Variants in PIGF observed in about 807,000 individuals in gnomAD.
PIGF encodes the protein phosphatidylinositol glycan anchor biosynthesis class F, also known as GPI ethanolamine phosphate transferase, stabilizing subunit.
PIGF carries 23 observed loss-of-function variants against 26.0 expected under a neutral mutation model. The ratio of observed to expected loss-of-function variants is 0.88; its 90% CI spans 0.64 to 1.25. The LOEUF (loss-of-function observed/expected upper bound fraction) is 1.25. Among genes scored for constraint, PIGF ranks in the 50% most tolerant of loss-of-function variants. PIGF has a pLI of 0.00. For missense variants in PIGF, 278 were observed against 249.9 expected, an observed-to-expected ratio of 1.11 and a Z score of -0.76; for synonymous variants, 93 against 92.6, an observed-to-expected ratio of 1.00 and a Z score of -0.03.
At chr2:46,606,491 A>G (rs1416947076) in intron 4 of PIGF, among the ~76,000 whole-genome samples, 1 of 152,188 alleles carries the variant, frequency 6.6e-6, no homozygotes. Context: ...GGTTAAATTT[A>G]TCCTAACCCT....
At chr2:46,610,211 A>G (rs1277334985) in intron 4 of PIGF, among the ~76,000 whole-genome samples, 1 of 152,198 alleles carries the variant, frequency 6.6e-6, no homozygotes, top group East Asian at 1.9e-4. Flanking sequence ...CCCATTTTGT[A>G]CAGCGTAGTG....
At position 46,604,021 on chromosome 2, in the gene PIGF, C is replaced by A. The variant is rs12988547; in HGVS notation, c.437+8207G>T. 1.8e-3 allele frequency among the ~76,000 whole-genome samples: 278 copies of A among 151,764 alleles called. 1 individual carries two copies. Among genetic ancestry groups the A allele is most frequent in the Non-Finnish European group, 3.0e-3 (205 of 67,714 alleles). ...CAAACAACTCTACAGGGAAAAAAAA[C>A]CCCTAATAATCCAATTTACAAATGG... On this transcript the variant is annotated intron_variant, in intron 4 of 5. Transcript: ENST00000281382.
In PIGF at chr2:46,588,882, G is replaced by A. The variant is rs1347230274; in HGVS notation, c.546+3593C>T. On this transcript the variant is annotated intron_variant, in intron 5 of 5. Coordinates refer to ENST00000281382, the MANE Select transcript of PIGF (RefSeq NM_002643.4). The surrounding 1 kb of genome is among the most constrained non-coding windows in gnomAD (Gnocchi z 4.1). The stretch of plus-strand genomic sequence containing the variant: ...ACACAGAACATATGCTATGCATACA[G>A]TAATAACAACAAATACTTATTGATT... Among the ~76,000 whole-genome samples the A allele has an allele frequency of 6.6e-6, 1 of 152,002 alleles. No individual in the cohort carries two copies. Among genetic ancestry groups the A allele is most frequent in the African/African-American group, 2.4e-5 (1 of 41,404 alleles).
intron 4 of PIGF, among the ~76,000 whole-genome samples, chr2:46,608,000 C>T (rs929920432): frequency 9.9e-5 from 15 of 152,158 alleles, no homozygotes; most frequent in African/African-American, 3.6e-4. Context: ...GCCCAGCCGG[C>T]AATTTCTTAA....
In PIGF at chr2:46,588,013, A is replaced by T; in HGVS notation, c.546+4462T>A. ...TCCCACCTGAGTAATGCTAAGCAAG[A>T]TGTGTACTCCTCCCCTCTCACACTT... On this transcript the variant is annotated intron_variant, in intron 5 of 5. Transcript: ENST00000281382. This position sits in a 1 kb window ranked among gnomAD's most constrained non-coding sequence, Gnocchi z 4.1. The T allele has an allele frequency of 7.2e-7, 1 of 1,394,930 alleles. No individual in the cohort carries two copies. The highest frequency in any genetic ancestry group is 9.5e-7 in the Non-Finnish European group (1 of 1,052,748). The allele number at this position is 1,394,930 out of a possible 1,614,324, so 86.4% of individuals were successfully genotyped here. A position where few individuals can be genotyped will look rare whatever the true frequency, so the allele number is the denominator to read the frequency against.
At chr2:46,596,212 C>CAA (rs544010392) in intron 4 of PIGF, among the ~76,000 whole-genome samples, 1,908 of 102,798 alleles carry the variant, frequency 0.019, 19 homozygotes, top group Non-Finnish European at 0.025. Flanking sequence ...GACCCCATCT[C>CAA]AAAAAAAAAA....
chr2:46,608,301 A>G (rs569952383), intron 4 of PIGF, among the ~76,000 whole-genome samples: 12 of 152,270 alleles, frequency 7.9e-5, no homozygotes, highest in African/African-American at 2.6e-4. Context: ...CATCTGTTCC[A>G]GTTTTATCAT....
chr2:46,595,585 CAT>C (rs1025858063), intron 4 of PIGF, among the ~76,000 whole-genome samples: 13 of 152,130 alleles, frequency 8.5e-5, no homozygotes, highest in Admixed American at 2.0e-4. Flanking sequence ...TCTGTGTGAG[CAT>C]ATGTTTTCAT....
At chr2:46,615,299 T>C (rs1253481905) in intron 1 of PIGF, 114 bp from the exon 2 acceptor site, 1 of 588,066 alleles carries the variant, frequency 1.7e-6, no homozygotes, top group Non-Finnish European at 3.1e-6. Flanking sequence ...GCAATGTATT[T>C]GTTTCAAAAC....
At chr2:46,616,654 C>G (rs1484519833) in intron 1 of PIGF, 2 of 154,974 alleles carry the variant, frequency 1.3e-5, no homozygotes, top group Non-Finnish European at 2.9e-5. Context: ...CGCACCTTCA[C>G]CGGCAGCCCC....
At chr2:46,603,769 G>C (rs1353416807) in intron 4 of PIGF, among the ~76,000 whole-genome samples, 1 of 151,974 alleles carries the variant, frequency 6.6e-6, no homozygotes, top group Non-Finnish European at 1.5e-5. Flanking sequence ...AGGAAACATT[G>C]GGGAAACTTT....
intron 4 of PIGF, among the ~76,000 whole-genome samples, chr2:46,608,436 G>A (rs1372908658): frequency 9.2e-5 from 14 of 152,158 alleles, no homozygotes; most frequent in Non-Finnish European, 1.9e-4. Context: ...CATTCATGAG[G>A]AATGGAATCA....
chr2:46,592,148 T>C (rs1360064726), intron 5 of PIGF, among the ~76,000 whole-genome samples: 2 of 152,168 alleles, frequency 1.3e-5, no homozygotes, highest in Non-Finnish European at 2.9e-5. Context: ...GCCCAAGCAT[T>C]AGAGGACAGC....
intron 4 of PIGF, among the ~76,000 whole-genome samples, chr2:46,605,734 T>C (rs1670201164): frequency 6.6e-6 from 1 of 152,134 alleles, no homozygotes; most frequent in Non-Finnish European, 1.5e-5. Context: ...TCTAATGATC[T>C]AGATTCCAAT....
At chr2:46,611,853 T>A (rs1431772330) in intron 4 of PIGF, among the ~76,000 whole-genome samples, 1 of 152,218 alleles carries the variant, frequency 6.6e-6, no homozygotes, top group Non-Finnish European at 1.5e-5. Context: ...ATAAAATGTA[T>A]GTAAGCAATT....
At chr2:46,585,962 G>A (rs1055170238) in intron 5 of PIGF, among the ~76,000 whole-genome samples, 3 of 152,146 alleles carry the variant, frequency 2.0e-5, no homozygotes, top group Non-Finnish European at 2.9e-5. Context: ...TTTTAGTAGA[G>A]ACAGGGTTTC....
chr2:46,591,495 AT>A, intron 5 of PIGF: 2 of 833,916 alleles, frequency 2.4e-6, no homozygotes, highest in Non-Finnish European at 2.9e-6. Flanking sequence ...AAGCACATTT[AT>A]TTTTTAATAC....
Position 46,588,906 on chromosome 2 carries a change from T to C in PIGF, c.546+3569A>G, listed in dbSNP as rs1310682845. ...AGTAATAACAACAAATACTTATTGATTAGCTATTTAGTTACAGCAGATAAA... is the reference window on the plus strand; with the variant it reads ...AGTAATAACAACAAATACTTATTGACTAGCTATTTAGTTACAGCAGATAAA... On this transcript the variant is annotated intron_variant, in intron 5 of 5. Transcript: ENST00000281382. This position sits in a 1 kb window ranked among gnomAD's most constrained non-coding sequence, Gnocchi z 4.1. 6.6e-6 allele frequency among the ~76,000 whole-genome samples: 1 copy of C among 152,140 alleles called. No homozygotes were observed. Among genetic ancestry groups the C allele is most frequent in the Non-Finnish European group, 1.5e-5 (1 of 67,978 alleles).
In PIGF at chr2:46,615,144, C is replaced by G. The variant is rs1384589050; in HGVS notation, c.21G>C (p.Lys7Asn). 4.6e-6 allele frequency: 7 copies of G among 1,523,652 alleles called. No homozygotes were observed. In the Admixed American group the frequency reaches 8.4e-5, roughly 18 times the overall value. 94.4% of individuals were successfully genotyped at this position (1,523,652 alleles called of 1,614,324 possible). Residue 7 changes from lysine to asparagine, a missense_variant, in exon 2 of 6, where the codon AAG becomes AAC. Physicochemically the swap from Lys to Asn is moderately conservative, Grantham distance 94. Coordinates refer to ENST00000281382, the MANE Select transcript of PIGF (RefSeq NM_002643.4). Reference sequence around the variant, plus strand: ...ATAAAAGATGGGTATACAGTAGTCTCTTGATATCGTTATCTTTCATGGTGT... The same window carrying G: ...ATAAAAGATGGGTATACAGTAGTCTGTTGATATCGTTATCTTTCATGGTGT... MKDNDI[K>N]RLLYTHLLCI...
Sources: gnomAD v4.1 joint callset for allele counts (sites outside exome capture counted in the v4.1 genomes callset) on GRCh38, gnomAD v4.1.1 for gene constraint, Gnocchi (gnomAD v3.1) non-coding constraint, MANE v1.5 for transcripts, NCBI Gene and HGNC (gene_info 2026-07-23, HGNC 2026-07-21) for gene names.